RARB: variants seen among roughly 807,000 people sequenced by gnomAD.
RARB encodes the protein retinoic acid receptor beta, also known as HBV-activated protein.
In RARB, 17 loss-of-function variants were observed where a neutral mutation model predicts 51.9. The observed-to-expected ratio is 0.33, with a 90% CI of 0.22 to 0.49. RARB has a LOEUF of 0.49. RARB is among the 20% of genes least tolerant of loss of function. The pLI is 0.99. For synonymous variants in RARB, 215 were observed against 195.4 expected (o/e 1.10, Z -0.84); for missense variants, 369 against 550.8 (o/e 0.67, Z 3.30).
At chr3:25,222,953 G>A (rs894562002) in intron 5 of RARB, among the ~76,000 whole-genome samples, 10 of 152,020 alleles carry the variant, frequency 6.6e-5, no homozygotes, top group East Asian at 1.9e-4. Context: ...TTTTTCTACC[G>A]TTTAATATCA....
intron 5 of RARB, among the ~76,000 whole-genome samples, chr3:25,177,798 A>G (rs945042604): frequency 5.3e-5 from 8 of 152,164 alleles, no homozygotes; most frequent in South Asian, 2.1e-4. Context: ...CCTTGATGCT[A>G]TATCTACTTT....
intron 2 of RARB, among the ~76,000 whole-genome samples, chr3:24,879,815 C>T (rs1159031720): frequency 6.6e-6 from 1 of 152,120 alleles, no homozygotes; most frequent in Non-Finnish European, 1.5e-5. Context: ...CACCAGGATT[C>T]AAGATGTGTA....
At chr3:25,483,390 A>G (rs1188827266) in intron 2 of RARB, among the ~76,000 whole-genome samples, 2 of 152,212 alleles carry the variant, frequency 1.3e-5, no homozygotes, top group African/African-American at 2.4e-5. Context: ...GTGGTAGAGG[A>G]TGTCAGATGA....
chr3:25,589,018 G>A (rs1211964351), intron 5 of RARB, among the ~76,000 whole-genome samples: 1 of 152,174 alleles, frequency 6.6e-6, no homozygotes, highest in Non-Finnish European at 1.5e-5. Context: ...AAGGGAGTAG[G>A]ATCAAAGAAT....
Position 25,490,659 on chromosome 3 carries a change from C to T in RARB, c.307-10523C>T, listed in dbSNP as rs374374065. ...ATTAATGTACAAAGCAGCTGGGGTC[C>T]GCTAACTCCTGGGCTGTAGCTGAGC... On this transcript the variant is annotated intron_variant, in intron 2 of 7. Coordinates refer to ENST00000330688, the MANE Select transcript of RARB (RefSeq NM_000965.5). Among the ~76,000 whole-genome samples the T allele has an allele frequency of 3.0e-4, 46 of 152,110 alleles. No homozygotes were observed. The South Asian group carries it at 6.5e-3, about 21-fold the overall frequency.
At chr3:24,882,252 G>A (rs11129169) in intron 2 of RARB, among the ~76,000 whole-genome samples, 24,416 of 152,068 alleles carry the variant, frequency 0.16, 2,315 homozygotes, top group South Asian at 0.29. Context: ...GATTACAGTC[G>A]GCCCTTTGTA....
intron 5 of RARB, among the ~76,000 whole-genome samples, chr3:25,216,188 C>T (rs1701828196): frequency 1.3e-5 from 2 of 152,142 alleles, no homozygotes. Context: ...AGCCAATGGG[C>T]CCCCTGCTTG....
intron 5 of RARB, among the ~76,000 whole-genome samples, chr3:25,202,009 G>T (rs1163967431): frequency 6.6e-6 from 1 of 152,192 alleles, no homozygotes; most frequent in Non-Finnish European, 1.5e-5. Context: ...CAGAAGGAAT[G>T]CTACCAGCTC....
chr3:25,256,603 A>G (rs1399084722), intron 5 of RARB, among the ~76,000 whole-genome samples: 33 of 152,126 alleles, frequency 2.2e-4, no homozygotes, highest in Non-Finnish European at 4.4e-4. Context: ...ATGAGTTCAG[A>G]ATTTTTATTT....
At chr3:25,199,739 T>C (rs1335400521) in intron 5 of RARB, among the ~76,000 whole-genome samples, 7 of 152,168 alleles carry the variant, frequency 4.6e-5, no homozygotes, top group Admixed American at 4.6e-4. Flanking sequence ...AATGATGGTT[T>C]CCAGCTTCAT....
chr3:25,581,312 A>G (rs1375473389), intron 5 of RARB, among the ~76,000 whole-genome samples: 2 of 152,112 alleles, frequency 1.3e-5, no homozygotes, highest in Non-Finnish European at 2.9e-5. Context: ...TACTTTCCCT[A>G]TGTTCTGATG....
chr3:25,332,119 G>T (rs560734966), intron 5 of RARB, among the ~76,000 whole-genome samples: 4 of 152,060 alleles, frequency 2.6e-5, no homozygotes, highest in African/African-American at 9.7e-5. Context: ...GGTACCATTC[G>T]TTCTGAAACT....
chr3:24,966,112 G>T (rs76077040), intron 2 of RARB, among the ~76,000 whole-genome samples: 5,735 of 29,392 alleles, frequency 0.2, 317 homozygotes, highest in African/African-American at 0.43. Context: ...TTTTTTTTTT[G>T]GTTATTTTAG....
chr3:25,120,458 C>G lies in RARB; in HGVS notation c.-327-11703C>G, dbSNP rs1266487019. ...AATATCTCTAGTTATAAACTTTAAC[C>G]AGTTAAATGTAAAACACTGTATGGG... On this transcript the variant is annotated intron_variant, in intron 3 of 11. Coordinates refer to the RARB transcript ENST00000383772. 2.0e-5 allele frequency among the ~76,000 whole-genome samples: 3 copies of G among 151,050 alleles called. No homozygotes were observed. The East Asian group carries it at 5.9e-4, about 29-fold the overall frequency.
At position 25,597,664 on chromosome 3, in the gene RARB, A is replaced by C. The variant is rs1031368132; in HGVS notation, c.*1048A>C. 1.6e-4 allele frequency: 25 copies of C among 152,434 alleles called. No individual in the cohort carries two copies. The highest frequency in any genetic ancestry group is 5.5e-4 in the African/African-American group (23 of 41,518). 9.4% of individuals were successfully genotyped at this position (152,434 alleles called of 1,614,324 possible). On this transcript the variant is annotated 3_prime_UTR_variant, in exon 8 of 8. Coordinates refer to ENST00000330688, the MANE Select transcript of RARB (RefSeq NM_000965.5). Reference sequence around the variant, plus strand: ...CAACTCCCAAAGAAACAGGCATAGAATCTGCCTCCTTTGACCTTGTTCAAT... The same window carrying C: ...CAACTCCCAAAGAAACAGGCATAGACTCTGCCTCCTTTGACCTTGTTCAAT...
At chr3:25,039,868 G>A (rs950864637) in intron 2 of RARB, among the ~76,000 whole-genome samples, 9 of 152,166 alleles carry the variant, frequency 5.9e-5, no homozygotes, top group Non-Finnish European at 1.2e-4. Context: ...CGTGGCCCAT[G>A]GGCAACTTGA....
chr3:25,570,046 T>A, intron 4 of RARB, 128 bp downstream of exon 4: 2 of 1,319,126 alleles, frequency 1.5e-6, no homozygotes, highest in Non-Finnish European at 2.1e-6. Flanking sequence ...GGCAGGGGCT[T>A]GCATGCTAGC....
At chr3:25,435,445 T>C (rs1043382201) in intron 1 of RARB, among the ~76,000 whole-genome samples, 1 of 152,214 alleles carries the variant, frequency 6.6e-6, no homozygotes, top group Non-Finnish European at 1.5e-5. Flanking sequence ...ACCTTTGTCA[T>C]GTCATCAAAG....
intron 1 of RARB, among the ~76,000 whole-genome samples, chr3:24,857,235 T>C (rs1702651138): frequency 6.6e-6 from 1 of 152,222 alleles, no homozygotes. Flanking sequence ...TTCACACCTC[T>C]CATTCCTCAG....
Sources: gnomAD v4.1 joint callset for allele counts (sites outside exome capture counted in the v4.1 genomes callset) on GRCh38, gnomAD v4.1.1 for gene constraint, MANE v1.5 for transcripts, NCBI Gene and HGNC (gene_info 2026-07-23, HGNC 2026-07-21) for gene names.